The following PDCD1LG2 variants were observed in gnomAD, a reference collection of about 807,000 sequenced individuals.
The protein encoded by PDCD1LG2 is programmed cell death 1 ligand 2.
PDCD1LG2 carries 32 observed loss-of-function variants against 28.2 expected under a neutral mutation model. The observed-to-expected ratio is 1.13, with a 90% CI of 0.86 to 1.52. The LOEUF (loss-of-function observed/expected upper bound fraction) is 1.52, where lower values mean the gene tolerates loss of function less well. Ranked by LOEUF, PDCD1LG2 falls within the 40% of genes most tolerant of loss-of-function variation. The probability of loss-of-function intolerance (pLI) is 0.00; values close to 1 mark genes in which losing one functional copy is unlikely to be tolerated. For synonymous variants in PDCD1LG2, 116 were observed against 120.2 expected (o/e 0.97, Z 0.23); for missense variants, 385 against 323.8 (o/e 1.19, Z -1.45).
rs1026816874 is a variant in PDCD1LG2 at position 5,533,951 on chromosome 9, C to T, written c.56-794C>T. ...CTAGATATACATTAAGTATCAGTTC[C>T]ATTTTTCCTTTCCCTTTATTGTCAG... On this transcript the variant is annotated intron_variant, in intron 2 of 6. Coordinates refer to ENST00000397747, the MANE Select transcript of PDCD1LG2 (RefSeq NM_025239.4). Among the ~76,000 whole-genome samples the T allele has an allele frequency of 2.7e-5, 4 of 150,730 alleles. No individual in the cohort carries two copies. In the East Asian group the frequency reaches 7.8e-4, roughly 29 times the overall value.
chr9:5,569,984 G>A lies in PDCD1LG2; in HGVS notation c.*25G>A, dbSNP rs2129975842. 6.2e-7 allele frequency: 1 copy of A among 1,613,858 alleles called. No homozygotes were observed. Among genetic ancestry groups the A allele is most frequent in the South Asian group, 1.1e-5 (1 of 91,066 alleles). ...AACCTGTGGTCTTGGGAGCCAGGGT[G>A]ACCTGATATGACATCTAAAGAAGCT... On this transcript the variant is annotated 3_prime_UTR_variant, in exon 7 of 7. Coordinates refer to ENST00000397747, the MANE Select transcript of PDCD1LG2 (RefSeq NM_025239.4). The surrounding 1 kb of genome is among the most constrained non-coding windows in gnomAD (Gnocchi z 4.1).
At chr9:5,546,037 A>G (rs1446321324) in intron 3 of PDCD1LG2, among the ~76,000 whole-genome samples, 1 of 152,114 alleles carries the variant, frequency 6.6e-6, no homozygotes, top group Non-Finnish European at 1.5e-5. Flanking sequence ...CCTTCCAAAT[A>G]AGAAAGAGGC....
chr9:5,548,547 C>G (rs939608142), intron 3 of PDCD1LG2, among the ~76,000 whole-genome samples: 13 of 152,128 alleles, frequency 8.5e-5, no homozygotes, highest in African/African-American at 3.1e-4. Context: ...TGTGGTCATT[C>G]TATTTTTAGT....
chr9:5,536,672 G>A (rs537064190), intron 3 of PDCD1LG2, among the ~76,000 whole-genome samples: 1 of 152,204 alleles, frequency 6.6e-6, no homozygotes, highest in African/African-American at 2.4e-5. Flanking sequence ...TCCTGGGGAG[G>A]CACCCTGCCT....
chr9:5,516,265 C>T lies in PDCD1LG2; in HGVS notation c.-15+5462C>T, dbSNP rs189461942. Among the ~76,000 whole-genome samples the T allele has an allele frequency of 2.1e-4, 32 of 152,282 alleles. No homozygotes were observed. The East Asian group carries it at 6.0e-3, about 29-fold the overall frequency. On this transcript the variant is annotated intron_variant, in intron 1 of 6. Coordinates refer to ENST00000397747, the MANE Select transcript of PDCD1LG2 (RefSeq NM_025239.4). ...ACGGGGTTTCGCCATGTTGGCCAGG[C>T]TGGTCTCAAACTCCTGACCTCGTGA... is the stretch of plus-strand genomic sequence containing the variant.
At chr9:5,546,167 T>C (rs1236740427) in intron 3 of PDCD1LG2, among the ~76,000 whole-genome samples, 2 of 152,166 alleles carry the variant, frequency 1.3e-5, no homozygotes, top group African/African-American at 4.8e-5. Flanking sequence ...CTCCCTCATG[T>C]ATCCCAAGTC....
intron 5 of PDCD1LG2, among the ~76,000 whole-genome samples, chr9:5,562,321 G>A (rs765926968): frequency 5.9e-5 from 9 of 152,168 alleles, no homozygotes; most frequent in Non-Finnish European, 1.0e-4. Flanking sequence ...AAAAGAATGA[G>A]ATAATGTGTT....
chr9:5,545,467 C>T (rs1176723493), intron 3 of PDCD1LG2, among the ~76,000 whole-genome samples: 1 of 152,212 alleles, frequency 6.6e-6, no homozygotes, highest in Admixed American at 6.5e-5. Flanking sequence ...AGTTTCCATT[C>T]ATAGATGTTT....
chr9:5,518,061 G>A (rs1202368887), intron 1 of PDCD1LG2, among the ~76,000 whole-genome samples: 1 of 152,232 alleles, frequency 6.6e-6, no homozygotes, highest in African/African-American at 2.4e-5. Flanking sequence ...ATATTTGCAA[G>A]ATGAGAAATG....
intron 6 of PDCD1LG2, among the ~76,000 whole-genome samples, chr9:5,568,423 G>T (rs1253860833): frequency 6.6e-6 from 1 of 152,164 alleles, no homozygotes; most frequent in African/African-American, 2.4e-5. Flanking sequence ...GATCTAGGTT[G>T]TGTGCTCCTT....
intron 3 of PDCD1LG2, among the ~76,000 whole-genome samples, chr9:5,541,644 C>T (rs1006175420): frequency 6.6e-6 from 1 of 152,064 alleles, no homozygotes; most frequent in Non-Finnish European, 1.5e-5. Context: ...AGGAAAACTA[C>T]AAATCACTAC....
chr9:5,561,097 C>T (rs538865492), intron 5 of PDCD1LG2, among the ~76,000 whole-genome samples: 3 of 152,122 alleles, frequency 2.0e-5, no homozygotes, highest in African/African-American at 7.2e-5. Flanking sequence ...AAATTTTAAA[C>T]ATTGAACCTA....
At chr9:5,546,949 G>A (rs907078110) in intron 3 of PDCD1LG2, among the ~76,000 whole-genome samples, 5 of 152,140 alleles carry the variant, frequency 3.3e-5, no homozygotes, top group Non-Finnish European at 7.4e-5. Flanking sequence ...CAGTGACCCT[G>A]CTCTCTAGTG....
At chr9:5,552,390 G>A (rs1404149507) in intron 4 of PDCD1LG2, among the ~76,000 whole-genome samples, 1 of 152,176 alleles carries the variant, frequency 6.6e-6, no homozygotes, top group Non-Finnish European at 1.5e-5. Flanking sequence ...TTCCCCGTAG[G>A]AAGCCAGACC....
chr9:5,531,749 A>G (rs1240885288), intron 2 of PDCD1LG2, among the ~76,000 whole-genome samples: 1 of 152,230 alleles, frequency 6.6e-6, no homozygotes, highest in Non-Finnish European at 1.5e-5. Context: ...AAAGTCATCT[A>G]TTTAATTCTT....
chr9:5,554,952 G>A (rs1309819190), intron 4 of PDCD1LG2, among the ~76,000 whole-genome samples: 1 of 152,078 alleles, frequency 6.6e-6, no homozygotes, highest in Non-Finnish European at 1.5e-5. Context: ...GTTATAGTGA[G>A]GATTAAATGA....
At chr9:5,519,521 G>T (rs1260271323) in intron 1 of PDCD1LG2, among the ~76,000 whole-genome samples, 7 of 152,110 alleles carry the variant, frequency 4.6e-5, no homozygotes. Flanking sequence ...CTTCTCTGCT[G>T]GTGACCGCTC....
intron 2 of PDCD1LG2, among the ~76,000 whole-genome samples, chr9:5,527,351 A>G (rs78143047): frequency 0.046 from 6,980 of 152,242 alleles, 251 homozygotes; most frequent in African/African-American, 0.092. Flanking sequence ...TTACTGATCT[A>G]TTTTCTGTCC....
intron 2 of PDCD1LG2, among the ~76,000 whole-genome samples, chr9:5,522,907 G>C (rs1889125): frequency 1.3e-5 from 2 of 152,188 alleles, no homozygotes; most frequent in Non-Finnish European, 2.9e-5. Context: ...CAAGAGGGCA[G>C]GGGTTGAGTT....
Sources: gnomAD v4.1 joint callset for allele counts (sites outside exome capture counted in the v4.1 genomes callset) on GRCh38, gnomAD v4.1.1 for gene constraint, Gnocchi (gnomAD v3.1) non-coding constraint, MANE v1.5 for transcripts, NCBI Gene and HGNC (gene_info 2026-07-23, HGNC 2026-07-21) for gene names.